The following COL14A1 variants were observed in gnomAD, a reference collection of about 807,000 sequenced individuals.
The protein encoded by COL14A1 is collagen type XIV alpha 1 chain.
A neutral mutation model predicts 230.3 loss-of-function variants in COL14A1; 136 were observed. That is an observed-to-expected ratio of 0.59 (90% CI 0.51 to 0.68). The LOEUF (loss-of-function observed/expected upper bound fraction) is 0.68, where lower values mean the gene tolerates loss of function less well. COL14A1 is among the 30% of genes least tolerant of loss of function. The pLI is 0.00. For synonymous variants in COL14A1, 792 were observed against 784.1 expected, an observed-to-expected ratio of 1.01 and a Z score of -0.17; for missense variants, 1,976 against 2,215.8, an observed-to-expected ratio of 0.89 and a Z score of 2.17.
At chr8:120,195,919 C>T (rs955591509) in intron 5 of COL14A1, among the ~76,000 whole-genome samples, 28 of 152,208 alleles carry the variant, frequency 1.8e-4, no homozygotes, top group African/African-American at 4.8e-4. Flanking sequence ...TGTCTTGGCT[C>T]GGTGTGAATA....
At chr8:120,261,125 G>A (rs1819310609) in intron 23 of COL14A1, among the ~76,000 whole-genome samples, 1 of 152,108 alleles carries the variant, frequency 6.6e-6, no homozygotes, top group African/African-American at 2.4e-5. Flanking sequence ...ACAAAGAAAA[G>A]ATAAATGTTT....
intron 40 of COL14A1, among the ~76,000 whole-genome samples, chr8:120,319,394 C>G (rs1821355456): frequency 6.6e-6 from 1 of 151,918 alleles, no homozygotes; most frequent in African/African-American, 2.4e-5. Context: ...AGGGTGGTCT[C>G]AAACACCTGG....
chr8:120,154,930 G>C (rs1003686462), intron 2 of COL14A1, among the ~76,000 whole-genome samples: 1 of 152,132 alleles, frequency 6.6e-6, no homozygotes, highest in Admixed American at 6.5e-5. Flanking sequence ...TGCCGCCCTT[G>C]CTTTGGCTCC....
At chr8:120,200,874 T>C (rs1817228378) in intron 8 of COL14A1, among the ~76,000 whole-genome samples, 1 of 150,946 alleles carries the variant, frequency 6.6e-6, no homozygotes, top group Non-Finnish European at 1.5e-5. Flanking sequence ...GAAACTATGA[T>C]GTTCCCTCCT....
chr8:120,201,358 A>T (rs1052928258), intron 8 of COL14A1, among the ~76,000 whole-genome samples: 1 of 152,090 alleles, frequency 6.6e-6, no homozygotes, highest in Non-Finnish European at 1.5e-5. Context: ...AGTTTGCAAG[A>T]GCCAATTGTG....
chr8:120,161,645 C>T (rs904931348), intron 3 of COL14A1, among the ~76,000 whole-genome samples: 1 of 152,050 alleles, frequency 6.6e-6, no homozygotes. Flanking sequence ...TAATTACCTT[C>T]GGCCTGCCCA....
At chr8:120,295,007 G>A (rs914207138) in intron 34 of COL14A1, among the ~76,000 whole-genome samples, 2 of 151,840 alleles carry the variant, frequency 1.3e-5, no homozygotes, top group Admixed American at 1.3e-4. Flanking sequence ...TAGGTGGTTA[G>A]GTGGTAGATG....
At position 120,209,769 on chromosome 8, in the gene COL14A1, G is replaced by C; in HGVS notation, c.1335G>C (p.Met445Ile). Residue 445 changes from methionine to isoleucine, a missense_variant, in exon 12 of 48, where the codon ATG (methionine) becomes ATC (isoleucine). Physicochemically the swap from Met to Ile is conservative, Grantham distance 10 (BLOSUM62 1). Coordinates refer to ENST00000297848, the MANE Select transcript of COL14A1 (RefSeq NM_021110.4). ...AATCTCTTGCAGTTGCTTTACCGAT[G>C]GCTTCTGACCTTCTACTGTACGACG... ...RGTETTLALP[M>I]ASDLLLYDVT... 1 of 1,606,752 alleles carries C rather than the reference G, an allele frequency of 6.2e-7. No individual in the cohort carries two copies. The highest frequency in any genetic ancestry group is 2.2e-5 in the East Asian group (1 of 44,750).
intron 19 of COL14A1, among the ~76,000 whole-genome samples, chr8:120,239,053 G>T (rs1818539209): frequency 6.6e-6 from 1 of 152,110 alleles, no homozygotes. Context: ...TTCCTATTTG[G>T]CCATCTTGCC....
intron 45 of COL14A1, among the ~76,000 whole-genome samples, chr8:120,358,493 C>A (rs1038446370): frequency 6.6e-6 from 1 of 151,894 alleles, no homozygotes. Context: ...CTGATAAAAA[C>A]AAAAGCCCAT....
At chr8:120,204,903 A>G (rs1452844294) in intron 9 of COL14A1, among the ~76,000 whole-genome samples, 1 of 152,094 alleles carries the variant, frequency 6.6e-6, no homozygotes, top group East Asian at 1.9e-4. Context: ...TCTTGATATC[A>G]TAGATAGGAT....
intron 16 of COL14A1, among the ~76,000 whole-genome samples, 153 bp downstream of exon 16, chr8:120,226,919 A>G (rs1818114307): frequency 6.6e-6 from 1 of 152,124 alleles, no homozygotes; most frequent in Non-Finnish European, 1.5e-5. Context: ...AAATCATAAG[A>G]TTTTCCTAAT....
At chr8:120,285,808 A>G in intron 32 of COL14A1, 53 bp from the exon 33 acceptor site, 1 of 1,222,338 alleles carries the variant, frequency 8.2e-7, no homozygotes, top group Non-Finnish European at 1.2e-6. Flanking sequence ...TTTAGAAAAC[A>G]AAATTCACCT....
At chr8:120,273,633 CA>C (rs1040539486) in intron 26 of COL14A1, among the ~76,000 whole-genome samples, 29 of 151,538 alleles carry the variant, frequency 1.9e-4, no homozygotes, top group African/African-American at 6.3e-4. Context: ...CACAGAAATG[CA>C]AAAGATTATT....
chr8:120,234,297 C>A (rs1020692181), intron 19 of COL14A1, among the ~76,000 whole-genome samples: 1 of 152,062 alleles, frequency 6.6e-6, no homozygotes, highest in Non-Finnish European at 1.5e-5. Context: ...ATTTGAATAC[C>A]CTTTATCACT....
At position 120,262,867 on chromosome 8, in the gene COL14A1, G is replaced by A. The variant is rs1819382966; in HGVS notation, c.2870-1G>A. On this transcript the variant is annotated splice_acceptor_variant, in intron 23 of 47. Coordinates refer to ENST00000297848, the MANE Select transcript of COL14A1 (RefSeq NM_021110.4). LOFTEE classifies it high-confidence loss of function. ...TTTGTTTTGTTTTGTTTTTATTATA[G>A]ATAGGCAAAAGCAAGAATCCACTGT... 2 of 1,599,566 alleles carry A rather than the reference G, an allele frequency of 1.3e-6. No homozygotes were observed. The highest frequency in any genetic ancestry group is 2.7e-5 in the African/African-American group (2 of 73,874).
chr8:120,135,866 A>C (rs1814693605), intron 1 of COL14A1, among the ~76,000 whole-genome samples: 1 of 151,840 alleles, frequency 6.6e-6, no homozygotes. Context: ...TATGTTTTTG[A>C]TGTCATTGTA....
chr8:120,140,153 A>G (rs111547521), intron 1 of COL14A1, among the ~76,000 whole-genome samples: 17 of 152,362 alleles, frequency 1.1e-4, no homozygotes, highest in African/African-American at 3.6e-4. Flanking sequence ...GGACCTATAT[A>G]TAGCAAATTA....
chr8:120,313,832 A>G lies in COL14A1; in HGVS notation c.4456-100A>G, dbSNP rs574985771. Reference sequence around the variant, plus strand: ...AGTATTTCCTATCTTAAGAAAAACTATATAAGAAAACAAATTATAATTGTC... The same window carrying G: ...AGTATTTCCTATCTTAAGAAAAACTGTATAAGAAAACAAATTATAATTGTC... On this transcript the variant is annotated intron_variant, in intron 37 of 47. Transcript: ENST00000297848. 9 of 734,732 alleles carry G rather than the reference A, an allele frequency of 1.2e-5. No individual in the cohort carries two copies. The Admixed American group carries it at 1.8e-4, about 15-fold the overall frequency. The allele number at this position is 734,732 out of a possible 1,614,324, so 45.5% of individuals were successfully genotyped here. A position where few individuals can be genotyped will look rare whatever the true frequency, so the allele number is the denominator to read the frequency against.
Sources: allele counts gnomAD v4.1 joint callset (sites outside exome capture counted in the v4.1 genomes callset), GRCh38; gene constraint gnomAD v4.1.1; transcripts MANE v1.5; gene names NCBI Gene and HGNC (gene_info 2026-07-23, HGNC 2026-07-21).